The following ATRNL1 variants were observed in gnomAD, a reference collection of about 807,000 sequenced individuals.
ATRNL1 encodes the protein attractin like 1, also known as attractin-like protein 1.
In ATRNL1, 95 loss-of-function variants were observed where a neutral mutation model predicts 182.7. The ratio of observed to expected loss-of-function variants is 0.52; its 90% CI spans 0.44 to 0.62. The LOEUF is 0.62. Among genes scored for constraint, ATRNL1 ranks in the 20% least tolerant of loss-of-function variants. The probability of loss-of-function intolerance (pLI) is 0.00; values close to 1 mark genes in which losing one functional copy is unlikely to be tolerated. For synonymous variants in ATRNL1, 576 were observed against 568.3 expected (o/e 1.01, Z -0.19); for missense variants, 1,471 against 1,679.5 (o/e 0.88, Z 2.17).
intron 20 of ATRNL1, among the ~76,000 whole-genome samples, chr10:115,398,975 G>C (rs188449651): frequency 1.4e-4 from 21 of 152,114 alleles, no homozygotes; most frequent in Admixed American, 5.2e-4. Context: ...TGTGCTTTTT[G>C]TGTTTAGTTC....
At chr10:115,331,678 C>T (rs782071155) in intron 18 of ATRNL1, among the ~76,000 whole-genome samples, 1 of 151,054 alleles carries the variant, frequency 6.6e-6, no homozygotes, top group Non-Finnish European at 1.5e-5. Flanking sequence ...TATTTTTTTC[C>T]AGTCTTTGCA....
chr10:115,516,627 T>C (rs1366389997), intron 24 of ATRNL1, among the ~76,000 whole-genome samples: 2 of 151,880 alleles, frequency 1.3e-5, no homozygotes, highest in Non-Finnish European at 2.9e-5. Flanking sequence ...CTCTTTGTCA[T>C]GGCCAACGAC....
At chr10:115,252,685 T>A (rs531713664) in intron 10 of ATRNL1, among the ~76,000 whole-genome samples, 2 of 152,294 alleles carry the variant, frequency 1.3e-5, no homozygotes, top group South Asian at 4.1e-4. Flanking sequence ...TTGACCTTCT[T>A]TAATTGACAG....
At chr10:115,175,694 T>A (rs1431523552) in intron 8 of ATRNL1, among the ~76,000 whole-genome samples, 2 of 152,146 alleles carry the variant, frequency 1.3e-5, no homozygotes, top group African/African-American at 2.4e-5. Context: ...CAACAAATTT[T>A]TTATAAAATT....
chr10:115,545,200 A>G (rs1247794647), intron 25 of ATRNL1, among the ~76,000 whole-genome samples: 7 of 142,896 alleles, frequency 4.9e-5, no homozygotes, highest in African/African-American at 7.8e-5. Context: ...ACGCCACTGC[A>G]CTCCAGCCTG....
chr10:115,678,140 G>A (rs1461293182), intron 26 of ATRNL1, among the ~76,000 whole-genome samples: 1 of 152,010 alleles, frequency 6.6e-6, no homozygotes, highest in African/African-American at 2.4e-5. Flanking sequence ...AAATAAGCAT[G>A]ATATAAAAAA....
chr10:115,585,491 T>C (rs1320897172), intron 26 of ATRNL1, among the ~76,000 whole-genome samples: 11 of 123,546 alleles, frequency 8.9e-5, no homozygotes, highest in Non-Finnish European at 1.9e-4. Flanking sequence ...TTGATCCCTT[T>C]ACCATTATGT....
At chr10:115,298,242 TG>T (rs1853304135) in intron 15 of ATRNL1, among the ~76,000 whole-genome samples, 4 of 152,188 alleles carry the variant, frequency 2.6e-5, no homozygotes, top group Non-Finnish European at 5.9e-5. Flanking sequence ...TTGGGTCAAA[TG>T]ATCATTTACT....
In ATRNL1 at chr10:115,948,926, TTTATG is replaced by T. The variant is rs1198710983; in HGVS notation, c.*4152_*4156del. The T allele has an allele frequency of 1.3e-5, 2 of 152,196 alleles. No individual in the cohort carries two copies. The highest frequency in any genetic ancestry group is 2.9e-5 in the Non-Finnish European group (2 of 68,044). The allele number at this position is 152,196 out of a possible 1,614,324, so 9.4% of individuals were successfully genotyped here. A position where few individuals can be genotyped will look rare whatever the true frequency, so the allele number is the denominator to read the frequency against. On this transcript the variant is annotated 3_prime_UTR_variant, in exon 29 of 29. Transcript: ENST00000355044. ...CAAGCCCGTTTTAGAAAGCCAACAT[TTTATG>T]TTATAATATGCTGTTAATCAGGACT...
chr10:115,555,356 T>A (rs1853251647), intron 26 of ATRNL1, among the ~76,000 whole-genome samples: 1 of 151,884 alleles, frequency 6.6e-6, no homozygotes, highest in Non-Finnish European at 1.5e-5. Context: ...TGAAAATATA[T>A]CTTAAAGATA....
intron 19 of ATRNL1, among the ~76,000 whole-genome samples, chr10:115,391,616 A>C (rs1350679568): frequency 1.5e-5 from 2 of 131,916 alleles, no homozygotes; most frequent in East Asian, 2.0e-4. Context: ...TACACTATTC[A>C]ATGCATTTTT....
At chr10:115,341,002 T>C (rs923038389) in intron 19 of ATRNL1, among the ~76,000 whole-genome samples, 5 of 151,982 alleles carry the variant, frequency 3.3e-5, no homozygotes, top group Non-Finnish European at 5.9e-5. Flanking sequence ...GTCTTTTTTT[T>C]ATTGTTTTCT....
intron 19 of ATRNL1, among the ~76,000 whole-genome samples, chr10:115,372,521 C>T (rs577183031): frequency 7.2e-5 from 11 of 152,180 alleles, no homozygotes; most frequent in East Asian, 1.9e-4. Context: ...ACCTTTAAGT[C>T]GTTAATCCAT....
intron 26 of ATRNL1, among the ~76,000 whole-genome samples, chr10:115,713,461 G>GTGTGTGTA (rs71010041): frequency 6.9e-6 from 1 of 145,940 alleles, no homozygotes; most frequent in Non-Finnish European, 1.5e-5. Flanking sequence ...GTGTGTGTGT[G>GTGTGTGTA]TGTGTTTGTG....
At chr10:115,466,491 A>T (rs1290692081) in intron 22 of ATRNL1, among the ~76,000 whole-genome samples, 14 of 151,296 alleles carry the variant, frequency 9.3e-5, no homozygotes, top group Non-Finnish European at 1.5e-4. Flanking sequence ...GGAGTAAGAA[A>T]ATCACAAAAA....
At chr10:115,847,423 A>G (rs1555099087) in intron 27 of ATRNL1, among the ~76,000 whole-genome samples, 1 of 152,046 alleles carries the variant, frequency 6.6e-6, no homozygotes, top group East Asian at 1.9e-4. Context: ...ACTTCGATTG[A>G]CTGTAGTAAT....
At chr10:115,474,229 A>G (rs1400577295) in intron 24 of ATRNL1, among the ~76,000 whole-genome samples, 1 of 151,266 alleles carries the variant, frequency 6.6e-6, no homozygotes, top group Admixed American at 6.6e-5. Context: ...TTGCCAGGTA[A>G]GGTATTCTTG....
chr10:115,712,693 C>T (rs1947096645), intron 26 of ATRNL1, among the ~76,000 whole-genome samples: 1 of 151,890 alleles, frequency 6.6e-6, no homozygotes, highest in Non-Finnish European at 1.5e-5. Flanking sequence ...ATGGTGCAAA[C>T]ACTGTCTCTA....
chr10:115,516,915 C>T (rs994138580), intron 24 of ATRNL1, among the ~76,000 whole-genome samples: 1 of 151,768 alleles, frequency 6.6e-6, no homozygotes, highest in African/African-American at 2.4e-5. Flanking sequence ...TGTTTTTTTC[C>T]ACTCAAAACA....
Sources: allele counts gnomAD v4.1 joint callset (sites outside exome capture counted in the v4.1 genomes callset), GRCh38; gene constraint gnomAD v4.1.1; transcripts MANE v1.5; gene names NCBI Gene and HGNC (gene_info 2026-07-23, HGNC 2026-07-21).